PARK7: variants seen among roughly 807,000 people sequenced by gnomAD.
PARK7 encodes the protein Parkinson disease protein 7.
In PARK7, 14 loss-of-function variants were observed where a neutral mutation model predicts 20.5. That is an observed-to-expected ratio of 0.68 (90% CI 0.45 to 1.07). PARK7 has a LOEUF of 1.07. Ranked by LOEUF, PARK7 falls within the 50% of genes least tolerant of loss-of-function variation. The probability of loss-of-function intolerance (pLI) is 0.00; values close to 1 mark genes in which losing one functional copy is unlikely to be tolerated. For missense variants in PARK7, 234 were observed against 238.1 expected (o/e 0.98, Z 0.11); for synonymous variants, 98 against 84.3 (o/e 1.16, Z -0.89).
chr1:7,971,133 A>G, intron 5 of PARK7, 170 bp downstream of exon 5: 1 of 729,620 alleles, frequency 1.4e-6, no homozygotes, highest in South Asian at 1.5e-5. Context: ...AGATGAGGAC[A>G]ATTGTTCTGT....
chr1:7,962,310 C>A (rs951476381), intron 1 of PARK7, among the ~76,000 whole-genome samples: 4 of 152,068 alleles, frequency 2.6e-5, no homozygotes, highest in Non-Finnish European at 4.4e-5. Context: ...ACAAAAATCC[C>A]CTCCAAAAAA....
chr1:7,983,540 T>C (rs1386447653), intron 6 of PARK7, among the ~76,000 whole-genome samples: 1 of 152,128 alleles, frequency 6.6e-6, no homozygotes, highest in Non-Finnish European at 1.5e-5. Context: ...TTCCATCTCC[T>C]TCTGGTCCCA....
intron 3 of PARK7, 91 bp from the exon 4 acceptor site, chr1:7,969,254 A>G (rs1640398733): frequency 1.9e-6 from 2 of 1,061,270 alleles, no homozygotes; most frequent in East Asian, 4.9e-5. Flanking sequence ...TACTTCCCAC[A>G]TTTAAAATAG....
At position 7,969,584 on chromosome 1, in the gene PARK7, CT is replaced by C. The variant is rs35540656; in HGVS notation, c.252+194del. 0.072 allele frequency among the ~76,000 whole-genome samples: 10,553 copies of C among 145,928 alleles called. 1,137 individuals are homozygous for C. Among genetic ancestry groups the C allele is most frequent in the African/African-American group, 0.24 (9,732 of 40,080 alleles). ...AATGGTGTTATAGCATTAACTCAAA[CT>C]TTTTTTTTTTTTTGAGACAGAGTCT... On this transcript the variant is annotated intron_variant, in intron 4 of 6. Transcript: ENST00000338639.
At position 7,970,641 on chromosome 1, in the gene PARK7, G is replaced by A. The variant is rs368133156; in HGVS notation, c.253-253G>A. The stretch of plus-strand genomic sequence containing the variant: ...CTCCCTGGAGTACAAAATGGCAAGG[G>A]TCAAATTGCTTCTTCTGATCTTTAA... On this transcript the variant is annotated intron_variant, in intron 4 of 6. Transcript: ENST00000338639. 7.2e-5 allele frequency among the ~76,000 whole-genome samples: 11 copies of A among 152,310 alleles called. No individual in the cohort carries two copies. In the East Asian group the frequency reaches 1.9e-3, roughly 27 times the overall value.
At chr1:7,962,261 C>T (rs1640222461) in intron 1 of PARK7, among the ~76,000 whole-genome samples, 1 of 151,988 alleles carries the variant, frequency 6.6e-6, no homozygotes, top group Admixed American at 6.6e-5. Context: ...CACTGTTGAC[C>T]CCCACACACA....
At chr1:7,983,209 A>G (rs959804021) in intron 6 of PARK7, among the ~76,000 whole-genome samples, 3 of 152,240 alleles carry the variant, frequency 2.0e-5, no homozygotes, top group African/African-American at 7.2e-5. Context: ...AAGGAAGAAG[A>G]GAAAGCTGTG....
intron 3 of PARK7, among the ~76,000 whole-genome samples, chr1:7,966,259 C>A (rs978604692): frequency 1.3e-5 from 2 of 151,996 alleles, no homozygotes; most frequent in Non-Finnish European, 2.9e-5. Context: ...GAGTGCGGTT[C>A]CCTGGGCCGA....
At chr1:7,963,143 G>C (rs777138919) in intron 2 of PARK7, among the ~76,000 whole-genome samples, 4 of 151,812 alleles carry the variant, frequency 2.6e-5, no homozygotes, top group African/African-American at 9.7e-5. Context: ...GGCTCATTTC[G>C]GTCTCTGCCT....
intron 6 of PARK7, among the ~76,000 whole-genome samples, chr1:7,980,895 T>G (rs1414971335): frequency 6.6e-6 from 1 of 152,132 alleles, no homozygotes; most frequent in Non-Finnish European, 1.5e-5. Flanking sequence ...TTTGATAGAT[T>G]CAGGGTCTCA....
intron 6 of PARK7, among the ~76,000 whole-genome samples, chr1:7,979,509 T>C (rs1340304776): frequency 6.6e-6 from 1 of 152,162 alleles, no homozygotes; most frequent in Non-Finnish European, 1.5e-5. Context: ...TTTATTTATT[T>C]AATGTATTTG....
rs1472116440 is a variant in PARK7 at position 7,984,629 on chromosome 1, C to CT, written c.410-265_410-264insT. ...AACTGTCATTCACCGACATCTCCCC[C>CT]AACACTTAAAGTCTTAGCAGCTGCA... is the stretch of plus-strand genomic sequence containing the variant. On this transcript the variant is annotated intron_variant, in intron 6 of 6. Coordinates refer to ENST00000338639, the MANE Select transcript of PARK7 (RefSeq NM_007262.5). This position sits in a 1 kb window ranked among gnomAD's most constrained non-coding sequence, Gnocchi z 4.3. Among the ~76,000 whole-genome samples, 3 of 151,746 alleles carry CT rather than the reference C, an allele frequency of 2.0e-5. No individual in the cohort carries two copies. The highest frequency in any genetic ancestry group is 7.3e-5 in the African/African-American group (3 of 41,014).
At chr1:7,965,172 C>A in intron 2 of PARK7, 152 bp from the exon 3 acceptor site, 1 of 688,246 alleles carries the variant, frequency 1.5e-6, no homozygotes, top group Non-Finnish European at 2.5e-6. Flanking sequence ...AGCCCAGGAG[C>A]TGGAGGCTGC....
At chr1:7,968,164 C>T (rs1371357878) in intron 3 of PARK7, among the ~76,000 whole-genome samples, 5 of 151,398 alleles carry the variant, frequency 3.3e-5, no homozygotes, top group Admixed American at 6.6e-5. Context: ...ACAGATTAGC[C>T]GGGCACAGTG....
At chr1:7,974,751 G>C (rs1037225265) in intron 5 of PARK7, among the ~76,000 whole-genome samples, 8 of 152,138 alleles carry the variant, frequency 5.3e-5, no homozygotes, top group South Asian at 2.1e-4. Flanking sequence ...AAAATGTGAT[G>C]ATGAGCTGAG....
At position 7,984,870 on chromosome 1, in the gene PARK7, A is replaced by G; in HGVS notation, c.410-24A>G. 6.2e-7 allele frequency: 1 copy of G among 1,614,004 alleles called. No homozygotes were observed. The highest frequency in any genetic ancestry group is 2.2e-5 in the East Asian group (1 of 44,874). ...TCGTCACATAGCCCATTAGGATGTCACCTTTTCTGTTTCTACTTTGCAGGT... is the reference window on the plus strand; with the variant it reads ...TCGTCACATAGCCCATTAGGATGTCGCCTTTTCTGTTTCTACTTTGCAGGT... On this transcript the variant is annotated intron_variant, in intron 6 of 6. Coordinates refer to ENST00000338639, the MANE Select transcript of PARK7 (RefSeq NM_007262.5). This position sits in a 1 kb window ranked among gnomAD's most constrained non-coding sequence, Gnocchi z 4.3.
At chr1:7,969,041 C>T (rs559162004) in intron 3 of PARK7, 11 of 287,922 alleles carry the variant, frequency 3.8e-5, no homozygotes, top group South Asian at 2.5e-4. Context: ...TACACATACA[C>T]GCATACATCT....
intron 5 of PARK7, among the ~76,000 whole-genome samples, chr1:7,974,202 G>C (rs2151434445): frequency 6.6e-6 from 1 of 150,600 alleles, no homozygotes; most frequent in East Asian, 1.9e-4. Flanking sequence ...CACACTTGTA[G>C]TCCCAGCTAC....
intron 5 of PARK7, among the ~76,000 whole-genome samples, chr1:7,972,971 AC>A (rs1640496229): frequency 6.6e-6 from 1 of 151,994 alleles, no homozygotes; most frequent in Non-Finnish European, 1.5e-5. Flanking sequence ...AATCTATTGA[AC>A]CCGGGCGGCG....
Sources: gnomAD v4.1 joint callset for allele counts (sites outside exome capture counted in the v4.1 genomes callset) on GRCh38, gnomAD v4.1.1 for gene constraint, Gnocchi (gnomAD v3.1) non-coding constraint, MANE v1.5 for transcripts, NCBI Gene and HGNC (gene_info 2026-07-23, HGNC 2026-07-21) for gene names.